Variants in TRIM66 observed in about 807,000 individuals in gnomAD.
TRIM66 encodes tripartite motif-containing protein 66.
TRIM66 carries 99 observed loss-of-function variants against 148.2 expected under a neutral mutation model. The ratio of observed to expected loss-of-function variants is 0.67; its 90% CI spans 0.57 to 0.79. The LOEUF is 0.79. TRIM66 is among the 30% of genes least tolerant of loss of function. The probability of loss-of-function intolerance (pLI) is 0.00; values close to 1 mark genes in which losing one functional copy is unlikely to be tolerated. For missense variants in TRIM66, 1,666 were observed against 1,697.9 expected, an observed-to-expected ratio of 0.98 and a Z score of 0.33; for synonymous variants, 616 against 635.9, an observed-to-expected ratio of 0.97 and a Z score of 0.47.
At chr11:8,681,057 G>T (rs1268251409) in intron 1 of TRIM66, 1 of 152,196 alleles carries the variant, frequency 6.6e-6, no homozygotes, top group Non-Finnish European at 1.5e-5. Flanking sequence ...GGATGGGAAG[G>T]TGCAAATGGG....
At position 8,647,932 on chromosome 11, in the gene TRIM66, A is replaced by G. The variant is rs750056427; in HGVS notation, c.842+38T>C. On this transcript the variant is annotated intron_variant, in intron 10 of 24. Coordinates refer to ENST00000646038, the MANE Select transcript of TRIM66 (RefSeq NM_001388022.1). ...TGGAACCCTGGGTGTGCGGGAACAGAGCATTTCCAGCACTGGCAAGGCACT... is the reference window on the plus strand; with the variant it reads ...TGGAACCCTGGGTGTGCGGGAACAGGGCATTTCCAGCACTGGCAAGGCACT... 11 of 1,472,070 alleles carry G rather than the reference A, an allele frequency of 7.5e-6. No individual in the cohort carries two copies. The East Asian group carries it at 2.7e-4, about 36-fold the overall frequency. 91.2% of individuals were successfully genotyped at this position (1,472,070 alleles called of 1,614,324 possible).
At chr11:8,679,327 C>T (rs1403199808) in intron 3 of TRIM66, 2 of 152,338 alleles carry the variant, frequency 1.3e-5, no homozygotes, top group African/African-American at 2.4e-5. Flanking sequence ...AGACAACTAC[C>T]CAGGGTACTC....
At position 8,671,895 on chromosome 11, in the gene TRIM66, A is replaced by G. The variant is rs781482540; in HGVS notation, c.231T>C (p.Gly77=). 1.3e-6 allele frequency: 2 copies of G among 1,536,124 alleles called. No homozygotes were observed. Among genetic ancestry groups the G allele is most frequent in the Middle Eastern group, 1.7e-4 (1 of 5,990 alleles). The change falls in exon 6 of 25, where the codon GGT becomes GGC. Residue 77 remains glycine (G), a synonymous_variant. Coordinates refer to ENST00000646038, the MANE Select transcript of TRIM66 (RefSeq NM_001388022.1). The stretch of plus-strand genomic sequence containing the variant: ...GGCAGGATAGGAGATGAGAGCCCAT[A>G]CCTGGCAGGTCCTGATGGCACAATG... The part of the protein sequence containing the change: ...TCSLCHQDLP[G]MGSHLLSCQH...
At chr11:8,645,588 T>C in intron 12 of TRIM66, 153 bp downstream of exon 12, 1 of 908,884 alleles carries the variant, frequency 1.1e-6, no homozygotes, top group Non-Finnish European at 1.6e-6. Context: ...AAGCAGTGAT[T>C]GAATTTGAAG....
At chr11:8,644,478 C>T (rs1420382613) in intron 12 of TRIM66, 1 of 450,038 alleles carries the variant, frequency 2.2e-6, no homozygotes, top group Non-Finnish European at 4.5e-6. Context: ...ATTACCCCAA[C>T]TTGTATCCCT....
At chr11:8,648,380 C>T (rs1446530826) in intron 9 of TRIM66, 36 bp downstream of exon 9, 1 of 1,547,482 alleles carries the variant, frequency 6.5e-7, no homozygotes, top group East Asian at 2.4e-5. Flanking sequence ...ATCCAGAGCC[C>T]TCCCCAGCCC....
Position 8,614,845 on chromosome 11 carries a change from G to A in TRIM66, c.*3099C>T, listed in dbSNP as rs1338142471. ...AGGTAGGGGTCCTAGAGGCAGGCAA[G>A]GTGTATAGTTAGCAATTGCTAGAAG... On this transcript the variant is annotated 3_prime_UTR_variant, in exon 25 of 25. Coordinates refer to ENST00000646038, the MANE Select transcript of TRIM66 (RefSeq NM_001388022.1). 1 of 152,296 alleles carries A rather than the reference G, an allele frequency of 6.6e-6. No individual in the cohort carries two copies. Among genetic ancestry groups the A allele is most frequent in the African/African-American group, 2.4e-5 (1 of 41,472 alleles). The allele number at this position is 152,296 out of a possible 1,614,324, so 9.4% of individuals were successfully genotyped here. A position where few individuals can be genotyped will look rare whatever the true frequency, so the allele number is the denominator to read the frequency against.
At chr11:8,664,072 A>G (rs1380453640) in intron 6 of TRIM66, among the ~76,000 whole-genome samples, 1 of 152,218 alleles carries the variant, frequency 6.6e-6, no homozygotes, top group African/African-American at 2.4e-5. Flanking sequence ...GTACAGCATG[A>G]TAAGTATGGT....
intron 14 of TRIM66, 73 bp from the exon 15 acceptor site, chr11:8,638,888 G>C: frequency 6.8e-7 from 1 of 1,472,958 alleles, no homozygotes; most frequent in African/African-American, 1.4e-5. Flanking sequence ...GGCAGCAAAG[G>C]CTAGTGCTCA....
intron 6 of TRIM66, among the ~76,000 whole-genome samples, chr11:8,665,337 G>A (rs1004193216): frequency 6.6e-6 from 1 of 152,212 alleles, no homozygotes; most frequent in African/African-American, 2.4e-5. Flanking sequence ...CAGCTGATTT[G>A]GGAGCCATTC....
intron 4 of TRIM66, among the ~76,000 whole-genome samples, chr11:8,674,228 A>G (rs151005644): frequency 6.6e-6 from 1 of 152,366 alleles, no homozygotes; most frequent in Admixed American, 6.5e-5. Flanking sequence ...CCACACTAGA[A>G]GTTAAAGCTG....
intron 14 of TRIM66, 140 bp downstream of exon 14, chr11:8,640,087 T>C (rs1292781203): frequency 2.3e-6 from 2 of 862,400 alleles, no homozygotes; most frequent in East Asian, 2.7e-5. Flanking sequence ...AGCATAGTTT[T>C]GAAATGTGAG....
chr11:8,639,263 C>T (rs2133059777), intron 14 of TRIM66, among the ~76,000 whole-genome samples: 2 of 152,208 alleles, frequency 1.3e-5, no homozygotes, highest in Middle Eastern at 3.4e-3. Context: ...AAGTAAAAAT[C>T]TGTAAAGCTG....
chr11:8,618,058 C>T (rs932959754), intron 24 of TRIM66, 55 bp from the exon 25 acceptor site: 2 of 1,490,658 alleles, frequency 1.3e-6, no homozygotes, highest in African/African-American at 2.8e-5. Flanking sequence ...GATTTATTAA[C>T]ATGAAAAGGC....
At chr11:8,679,391 C>T (rs2039317573) in intron 3 of TRIM66, 2 of 152,342 alleles carry the variant, frequency 1.3e-5, no homozygotes, top group African/African-American at 4.8e-5. Context: ...GAACACAGAA[C>T]CCAACGGGTA....
At chr11:8,651,572 T>C (rs977797894) in intron 7 of TRIM66, among the ~76,000 whole-genome samples, 1 of 152,100 alleles carries the variant, frequency 6.6e-6, no homozygotes, top group Non-Finnish European at 1.5e-5. Flanking sequence ...GCTAAAGGGA[T>C]TGACACAAAA....
rs1294138938 is a variant in TRIM66, at chr11:8,618,868, T to G, written c.4001A>C (p.Gln1334Pro). The G allele has an allele frequency of 2.1e-5, 32 of 1,551,344 alleles. No homozygotes were observed. The highest frequency in any genetic ancestry group is 2.8e-5 in the Non-Finnish European group (32 of 1,146,962). ...CACCTCCTCGGAGTCTGAGTCCTCC[T>G]GCCTTGGCTGGGCAAACCGTTTCTC... ...YPEKRFAQPR[Q>P]EDSDSEEVSS... is the part of the protein sequence containing the mutation. Residue 1334 changes from glutamine to proline, a missense_variant, in exon 24 of 25, where the codon CAG (glutamine) becomes CCG (proline). Transcript: ENST00000646038.
In TRIM66 at chr11:8,612,769, G is replaced by A. The variant is rs781055477; in HGVS notation, c.*5175C>T. 6.6e-6 allele frequency: 1 copy of A among 152,396 alleles called. No homozygotes were observed. Among genetic ancestry groups the A allele is most frequent in the Non-Finnish European group, 1.5e-5 (1 of 68,210 alleles). The allele number at this position is 152,396 out of a possible 1,614,324, so 9.4% of individuals were successfully genotyped here. A position where few individuals can be genotyped will look rare whatever the true frequency, so the allele number is the denominator to read the frequency against. On this transcript the variant is annotated 3_prime_UTR_variant, in exon 25 of 25. Transcript: ENST00000646038. The stretch of plus-strand genomic sequence containing the variant: ...CAGCAGCAGGCACCCACCCTGCCAG[G>A]TTCTCCTCCTGGTTAGCAGCACTGA...
At position 8,618,023 on chromosome 11, in the gene TRIM66, T is replaced by C. The variant is rs74933132; in HGVS notation, c.4120-20A>G. The C allele has an allele frequency of 4.2e-4, 654 of 1,550,446 alleles. No individual in the cohort carries two copies. The highest frequency in any genetic ancestry group is 5.2e-4 in the Non-Finnish European group (592 of 1,145,958). On this transcript the variant is annotated intron_variant, in intron 24 of 24. Transcript: ENST00000646038. ...ATTCTCCTGAAAGAAAAATATATATTTGGAATTAAAATAGCCAAATGTAGG... is the reference window on the plus strand; with the variant it reads ...ATTCTCCTGAAAGAAAAATATATATCTGGAATTAAAATAGCCAAATGTAGG...
Sources: gnomAD v4.1 joint callset for allele counts (sites outside exome capture counted in the v4.1 genomes callset) on GRCh38, gnomAD v4.1.1 for gene constraint, MANE v1.5 for transcripts, NCBI Gene and HGNC (gene_info 2026-07-23, HGNC 2026-07-21) for gene names.